SPINK8: variants seen among roughly 807,000 people sequenced by gnomAD.
The protein encoded by SPINK8 is serine protease inhibitor Kazal-type 8.
Under a neutral mutation model 14.4 loss-of-function variants are expected in SPINK8, and 12 were observed. The observed-to-expected ratio is 0.83, with a 90% CI of 0.53 to 1.35. The LOEUF is 1.35. Among genes scored for constraint, SPINK8 ranks in the 40% most tolerant of loss-of-function variants. SPINK8 has a pLI of 0.00. For synonymous variants in SPINK8, 32 were observed against 37.6 expected, an observed-to-expected ratio of 0.85 and a Z score of 0.55; for missense variants, 103 against 117.0, an observed-to-expected ratio of 0.88 and a Z score of 0.55.
At chr3:48,307,114 T>C (rs1037873769) in intron 7 of SPINK8, 111 bp from the exon 8 acceptor site, 5 of 1,063,622 alleles carry the variant, frequency 4.7e-6, no homozygotes, top group South Asian at 3.0e-5. Context: ...AAACAATTAT[T>C]CTCTGAATTA....
At chr3:48,320,988 C>T (rs1346285998) in intron 5 of SPINK8, 37 bp downstream of exon 5, 1 of 1,571,344 alleles carries the variant, frequency 6.4e-7, no homozygotes, top group Non-Finnish European at 8.6e-7. Context: ...GCTCTCTCCC[C>T]ATTCCTGTTA....
At position 48,319,487 on chromosome 3, in the gene SPINK8, T is replaced by C. The variant is rs752941164; in HGVS notation, c.239+10A>G. ...ACTTGAAAGAAAGGGAGAACAAAAT[T>C]AGGACTTACAGAATTTTGGAGCACA... On this transcript the variant is annotated intron_variant, in intron 6 of 7. Transcript: ENST00000434006. 21 of 1,613,700 alleles carry C rather than the reference T, an allele frequency of 1.3e-5. No homozygotes were observed. Among genetic ancestry groups the C allele is most frequent in the Middle Eastern group, 3.3e-4 (2 of 6,082 alleles).
chr3:48,307,813 T>A (rs974646570), intron 7 of SPINK8, among the ~76,000 whole-genome samples: 3 of 152,086 alleles, frequency 2.0e-5, no homozygotes, highest in African/African-American at 7.2e-5. Flanking sequence ...GATTTGTGAC[T>A]TTTTCTTCAA....
intron 7 of SPINK8, among the ~76,000 whole-genome samples, chr3:48,307,868 TTAC>T (rs1441840203): frequency 6.6e-6 from 1 of 151,544 alleles, no homozygotes. Context: ...ATACCTGGGC[TTAC>T]TACCTATACA....
At chr3:48,323,490 G>A (rs895093631) in intron 4 of SPINK8, among the ~76,000 whole-genome samples, 2 of 152,096 alleles carry the variant, frequency 1.3e-5, no homozygotes, top group African/African-American at 4.8e-5. Context: ...TCTGCCTTTG[G>A]TGCCATCGTT....
chr3:48,311,587 A>G (rs538373144), intron 6 of SPINK8, among the ~76,000 whole-genome samples: 1 of 152,362 alleles, frequency 6.6e-6, no homozygotes, highest in Non-Finnish European at 1.5e-5. Context: ...TTCTATAACT[A>G]TAAATCAGCA....
At position 48,329,210 on chromosome 3, in the gene SPINK8, ATAGT is replaced by A. The variant is rs2036184179; in HGVS notation, c.-75_-72del. Among the ~76,000 whole-genome samples, 1 of 152,166 alleles carries A rather than the reference ATAGT, an allele frequency of 6.6e-6. No homozygotes were observed. Among genetic ancestry groups the A allele is most frequent in the Non-Finnish European group, 1.5e-5 (1 of 68,026 alleles). On this transcript the variant is annotated 5_prime_UTR_variant, in exon 3 of 8. Coordinates refer to ENST00000434006, the MANE Select transcript of SPINK8 (RefSeq NM_001080525.3). ...TGGCTGAACAGGATGGTTTTTGTTG[ATAGT>A]TTGTTCATAATGAACTAGGAAGGAA...
chr3:48,318,288 G>A (rs2036021373), intron 6 of SPINK8, among the ~76,000 whole-genome samples: 2 of 152,074 alleles, frequency 1.3e-5, no homozygotes, highest in African/African-American at 4.8e-5. Flanking sequence ...TTACAGGCAT[G>A]CACCACCACA....
At chr3:48,308,784 T>G (rs2035883891) in intron 7 of SPINK8, among the ~76,000 whole-genome samples, 1 of 152,242 alleles carries the variant, frequency 6.6e-6, no homozygotes, top group South Asian at 2.1e-4. Context: ...TCTATAGATA[T>G]CCTTAAATTT....
rs754987338 is a variant in SPINK8, at chr3:48,320,947, G to C, written c.117+78C>G. 10 of 1,456,764 alleles carry C rather than the reference G, an allele frequency of 6.9e-6. 1 individual carries two copies. The East Asian group carries it at 2.2e-4, about 32-fold the overall frequency. 90.2% of individuals were successfully genotyped at this position (1,456,764 alleles called of 1,614,324 possible). On this transcript the variant is annotated intron_variant, in intron 5 of 7. Transcript: ENST00000434006. ...AGCCCCCTCCACTGCCCACCTCCCA[G>C]AAGAAAGAGCTGGGGCTTTTGGGCA...
chr3:48,326,125 G>A (rs956516464), intron 4 of SPINK8, among the ~76,000 whole-genome samples: 6 of 152,112 alleles, frequency 3.9e-5, no homozygotes, highest in African/African-American at 4.8e-5. Context: ...AAATGTTGAC[G>A]ACGTGTCCTT....
chr3:48,309,972 AT>A, intron 6 of SPINK8, 26 bp from the exon 7 acceptor site: 1 of 1,406,318 alleles, frequency 7.1e-7, no homozygotes, highest in Non-Finnish European at 9.3e-7. Flanking sequence ...TTTTAAAATT[AT>A]TTTTGCTGTA....
At chr3:48,333,158 T>C (rs2036287927) in intron 1 of SPINK8, among the ~76,000 whole-genome samples, 1 of 152,216 alleles carries the variant, frequency 6.6e-6, no homozygotes, top group Non-Finnish European at 1.5e-5. Context: ...TTTGCACATA[T>C]GGCACTTCGC....
chr3:48,310,792 C>T (rs1004205223), intron 6 of SPINK8, among the ~76,000 whole-genome samples: 4 of 152,184 alleles, frequency 2.6e-5, no homozygotes, highest in Non-Finnish European at 5.9e-5. Flanking sequence ...AGCCACTGCA[C>T]CTGGCCTACC....
intron 2 of SPINK8, among the ~76,000 whole-genome samples, chr3:48,330,928 C>G (rs190831801): frequency 1.3e-4 from 19 of 151,960 alleles, no homozygotes; most frequent in African/African-American, 4.6e-4. Flanking sequence ...TCCTGCTCAA[C>G]TGGGGCATAG....
chr3:48,307,961 C>CTTTTTTT lies in SPINK8; in HGVS notation c.283-965_283-959dup, dbSNP rs869147798. On this transcript the variant is annotated intron_variant, in intron 7 of 7. Transcript: ENST00000434006. ...ATGAATTCTGACTTCAGTCTGCATTCTTTTTTTTTTTTTTTTTTTTTTTTT... is the reference window on the plus strand; with the variant it reads ...ATGAATTCTGACTTCAGTCTGCATTCTTTTTTTTTTTTTTTTTTTTTTTTTTTTTTTT... Among the ~76,000 whole-genome samples, 49 of 68,228 alleles carry CTTTTTTT rather than the reference C, an allele frequency of 7.2e-4. 1 individual carries two copies. Among genetic ancestry groups the CTTTTTTT allele is most frequent in the African/African-American group, 2.3e-3 (36 of 15,698 alleles). The allele number at this position is 68,228 out of a possible 152,430, so 44.8% of individuals were successfully genotyped here. A position where few individuals can be genotyped will look rare whatever the true frequency, so the allele number is the denominator to read the frequency against.
chr3:48,320,962 G>T, intron 5 of SPINK8, 63 bp downstream of exon 5: 1 of 1,523,308 alleles, frequency 6.6e-7, no homozygotes, highest in Middle Eastern at 1.7e-4. Flanking sequence ...AAGAGCTGGG[G>T]CTTTTGGGCA....
chr3:48,331,016 G>C (rs375801309), intron 2 of SPINK8, among the ~76,000 whole-genome samples: 1 of 152,006 alleles, frequency 6.6e-6, no homozygotes, highest in Non-Finnish European at 1.5e-5. Context: ...CTAGCAGGCC[G>C]GTCCAAGGAT....
chr3:48,325,392 T>G (rs2036124968), intron 4 of SPINK8, among the ~76,000 whole-genome samples: 1 of 150,418 alleles, frequency 6.6e-6, no homozygotes, highest in Non-Finnish European at 1.5e-5. Flanking sequence ...TGTGTTGCAC[T>G]AAGTAAGTAA....
Sources: gnomAD v4.1 joint callset for allele counts (sites outside exome capture counted in the v4.1 genomes callset) on GRCh38, gnomAD v4.1.1 for gene constraint, MANE v1.5 for transcripts, NCBI Gene and HGNC (gene_info 2026-07-23, HGNC 2026-07-21) for gene names.